Variants in USP7 observed in about 807,000 individuals in gnomAD.
USP7 encodes the protein ubiquitin C-terminal hydrolase 7.
A neutral mutation model predicts 162.9 loss-of-function variants in USP7; 9 were observed. The observed-to-expected ratio is 0.06, with a 90% CI of 0.03 to 0.10. USP7 has a LOEUF of 0.10. USP7 is among the 10% of genes least tolerant of loss of function. The probability of loss-of-function intolerance (pLI) is 1.00; values close to 1 mark genes in which losing one functional copy is unlikely to be tolerated. For missense variants in USP7, 715 were observed against 1,373.7 expected (o/e 0.52, Z 7.58); for synonymous variants, 562 against 475.9 (o/e 1.18, Z -2.35).
At chr16:8,957,434 T>G (rs1899853105) in intron 1 of USP7, among the ~76,000 whole-genome samples, 1 of 152,062 alleles carries the variant, frequency 6.6e-6, no homozygotes. Flanking sequence ...TCCACGCTAT[T>G]TGTTACTCAT....
At chr16:8,914,769 A>T (rs1488336328) in intron 10 of USP7, among the ~76,000 whole-genome samples, 2 of 152,012 alleles carry the variant, frequency 1.3e-5, no homozygotes, top group East Asian at 3.9e-4. Flanking sequence ...AAAAAAAAAA[A>T]TTAGCTGGGT....
At chr16:8,934,780 C>T (rs1178999354) in intron 1 of USP7, among the ~76,000 whole-genome samples, 1 of 152,208 alleles carries the variant, frequency 6.6e-6, no homozygotes, top group East Asian at 1.9e-4. Context: ...TGGTTGGCCA[C>T]CGAGTACATA....
At position 8,920,387 on chromosome 16, in the gene USP7, C is replaced by A; in HGVS notation, c.583G>T (p.Val195Leu). The A allele has an allele frequency of 1.2e-6, 2 of 1,613,338 alleles. No individual in the cohort carries two copies. Among genetic ancestry groups the A allele is most frequent in the Non-Finnish European group, 1.7e-6 (2 of 1,179,830 alleles). The change falls in exon 5 of 31, where the codon GTA becomes TTA. Residue 195 changes from valine to leucine, a missense_variant. Val to Leu is a conservative substitution (Grantham distance 32). Around this residue, in one of 11 missense-constraint regions of USP7, gnomAD observed 30 missense variants for 27.6 expected, o/e 1.09. Transcript: ENST00000344836. ...DDDKVTFEVF[V>L]QADAPHGVAW... is the part of the protein sequence containing the mutation. Reference sequence around the variant, plus strand: ...ACTCCATGGGGAGCATCCGCCTGTACAAAGACTTCAAAGGTAACTTTGTCA... The same window carrying A: ...ACTCCATGGGGAGCATCCGCCTGTAAAAAGACTTCAAAGGTAACTTTGTCA...
chr16:8,932,716 T>A (rs1898436232), intron 1 of USP7, among the ~76,000 whole-genome samples: 1 of 152,196 alleles, frequency 6.6e-6, no homozygotes, highest in Non-Finnish European at 1.5e-5. Context: ...TTTATGAGAT[T>A]CATAAATTGT....
At position 8,932,587 on chromosome 16, in the gene USP7, C is replaced by T. The variant is rs183007699; in HGVS notation, c.80-2190G>A. Among the ~76,000 whole-genome samples, 31 of 149,578 alleles carry T rather than the reference C, an allele frequency of 2.1e-4. No individual in the cohort carries two copies. In the East Asian group the frequency reaches 5.4e-3, roughly 26 times the overall value. ...TTTTGCTGGTTAACTAGCTCAAATG[C>T]TCCAAATCAAATATACATGCTAAAT... is the stretch of plus-strand genomic sequence containing the variant. On this transcript the variant is annotated intron_variant, in intron 1 of 30. Transcript: ENST00000344836.
At chr16:8,951,586 T>A (rs1899552834) in intron 1 of USP7, among the ~76,000 whole-genome samples, 1 of 152,186 alleles carries the variant, frequency 6.6e-6, no homozygotes, top group Non-Finnish European at 1.5e-5. Context: ...TGAGGATGAC[T>A]GAGGACCTGA....
At chr16:8,959,833 A>G (rs1899940552) in intron 1 of USP7, among the ~76,000 whole-genome samples, 1 of 152,206 alleles carries the variant, frequency 6.6e-6, no homozygotes, top group Non-Finnish European at 1.5e-5. Context: ...CAAAAAACAC[A>G]GAAGCCTAGA....
At chr16:8,895,490 A>C in intron 27 of USP7, 152 bp downstream of exon 27, 1 of 759,812 alleles carries the variant, frequency 1.3e-6, no homozygotes, top group South Asian at 1.6e-5. Flanking sequence ...TCTGTGCAAA[A>C]ACACTGTAGG....
intron 10 of USP7, among the ~76,000 whole-genome samples, chr16:8,913,401 T>TGAAGC (rs1403504923): frequency 4.0e-5 from 6 of 151,768 alleles, no homozygotes; most frequent in Non-Finnish European, 5.9e-5. Context: ...AGAAGTGAAG[T>TGAAGC]GAAGCGAAGC....
At chr16:8,951,829 G>C (rs1161257830) in intron 1 of USP7, among the ~76,000 whole-genome samples, 1 of 152,226 alleles carries the variant, frequency 6.6e-6, no homozygotes, top group East Asian at 1.9e-4. Flanking sequence ...CTGAACACCT[G>C]ATTCACAAAG....
chr16:8,906,634 T>C lies in USP7; in HGVS notation c.1272-52A>G. The C allele has an allele frequency of 2.6e-6, 4 of 1,557,280 alleles. No homozygotes were observed. The South Asian group carries it at 3.5e-5, about 14-fold the overall frequency. On this transcript the variant is annotated intron_variant, in intron 12 of 30. Coordinates refer to ENST00000344836, the MANE Select transcript of USP7 (RefSeq NM_003470.3). ...TCAGTATTAATTTACACAAAAAATA[T>C]CACACTTTACAGTAAGTAAGGCCAT...
chr16:8,916,608 C>T, intron 7 of USP7, 52 bp from the exon 8 acceptor site: 1 of 1,529,468 alleles, frequency 6.5e-7, no homozygotes, highest in Admixed American at 2.0e-5. Flanking sequence ...TTCAAATGAG[C>T]AAATTAAAAG....
At chr16:8,927,698 T>A (rs1788953014) in intron 2 of USP7, among the ~76,000 whole-genome samples, 1 of 152,038 alleles carries the variant, frequency 6.6e-6, no homozygotes, top group Non-Finnish European at 1.5e-5. Context: ...TAGCCAGGCG[T>A]GGTGGCATTT....
intron 11 of USP7, 147 bp downstream of exon 11, chr16:8,910,598 T>A: frequency 2.8e-6 from 2 of 710,666 alleles, no homozygotes; most frequent in Admixed American, 2.9e-5. Flanking sequence ...CCCTCCCCAT[T>A]CAATTATCCT....
intron 27 of USP7, 68 bp from the exon 28 acceptor site, chr16:8,895,218 A>G (rs1438005884): frequency 6.2e-7 from 1 of 1,609,794 alleles, no homozygotes; most frequent in Non-Finnish European, 8.5e-7. Context: ...CCACATCTCA[A>G]TTCTCACACT....
chr16:8,917,723 CAAAA>C (rs1171452626), intron 6 of USP7, among the ~76,000 whole-genome samples: 1 of 151,952 alleles, frequency 6.6e-6, no homozygotes, highest in Non-Finnish European at 1.5e-5. Context: ...AAAAAGTAAA[CAAAA>C]AACAAAATCA....
At chr16:8,939,748 G>A (rs763120614) in intron 1 of USP7, among the ~76,000 whole-genome samples, 1 of 152,172 alleles carries the variant, frequency 6.6e-6, no homozygotes, top group Non-Finnish European at 1.5e-5. Flanking sequence ...TTCACATTAC[G>A]TGGGTAAGTT....
At chr16:8,904,715 G>A (rs2061831666) in intron 14 of USP7, 150 bp from the exon 15 acceptor site, 3 of 1,135,772 alleles carry the variant, frequency 2.6e-6, no homozygotes, top group East Asian at 2.8e-5. Context: ...GGCTGAGGCG[G>A]GCCGATCACG....
At position 8,900,646 on chromosome 16, in the gene USP7, T is replaced by A; in HGVS notation, c.2209-16A>T. ...GTTTAACTTCCTACAGTGAAAGATA[T>A]AAAATTGTTACACTGCAAGTTTGTC... On this transcript the variant is annotated splice_polypyrimidine_tract_variant and intron_variant, in intron 20 of 30. Transcript: ENST00000344836. The A allele has an allele frequency of 6.3e-7, 1 of 1,580,818 alleles. No individual in the cohort carries two copies. The highest frequency in any genetic ancestry group is 8.6e-7 in the Non-Finnish European group (1 of 1,157,216).
Sources: gnomAD v4.1 joint callset for allele counts (sites outside exome capture counted in the v4.1 genomes callset) on GRCh38, gnomAD v4.1.1 for gene constraint, gnomAD v4.1.1 regional missense constraint, MANE v1.5 for transcripts, NCBI Gene and HGNC (gene_info 2026-07-23, HGNC 2026-07-21) for gene names.